NYAP2: variants seen among roughly 807,000 people sequenced by gnomAD.
NYAP2 encodes neuronal tyrosine-phosphorylated phosphoinositide-3-kinase adaptor 2, also known as neuronal tyrosine-phosphorylated phosphoinositide-3-kinase adapter 2.
NYAP2 carries 23 observed loss-of-function variants against 50.4 expected under a neutral mutation model. The ratio of observed to expected loss-of-function variants is 0.46; its 90% CI spans 0.33 to 0.65. The LOEUF is 0.65. Among genes scored for constraint, NYAP2 ranks in the 30% least tolerant of loss-of-function variants. NYAP2 has a pLI of 0.02. For synonymous variants in NYAP2, 394 were observed against 365.2 expected (o/e 1.08, Z -0.90); for missense variants, 885 against 861.0 (o/e 1.03, Z -0.35).
chr2:225,470,308 C>T (rs1689992772), intron 3 of NYAP2, among the ~76,000 whole-genome samples: 1 of 152,076 alleles, frequency 6.6e-6, no homozygotes, highest in South Asian at 2.1e-4. Context: ...TCTCTTCATT[C>T]TTTTATTGTA....
At chr2:225,693,371 A>G in the NYAP2 span, among the ~76,000 whole-genome samples, 1 of 151,968 alleles carries the variant, frequency 6.6e-6, no homozygotes, top group Non-Finnish European at 1.5e-5. Flanking sequence ...GAGGAGGAAG[A>G]TGGCAGAGGT....
At chr2:225,468,863 G>T (rs986808387) in intron 3 of NYAP2, among the ~76,000 whole-genome samples, 2 of 152,110 alleles carry the variant, frequency 1.3e-5, no homozygotes, top group Non-Finnish European at 2.9e-5. Context: ...GTAATAGTTT[G>T]GACTATTTAT....
In NYAP2 at chr2:225,649,143, T is replaced by C. The variant is rs190124737; in HGVS notation, c.1829-2289T>C. Among the ~76,000 whole-genome samples the C allele has an allele frequency of 1.4e-3, 218 of 152,308 alleles. 1 individual carries two copies. The highest frequency in any genetic ancestry group is 5.1e-3 in the African/African-American group (212 of 41,568). On this transcript the variant is annotated intron_variant, in intron 6 of 6. Coordinates refer to ENST00000636099, the Ensembl canonical transcript of NYAP2. ...GTAGGGGGTGAGAGCTAGCATTCAC[T>C]AAAAGCACTTGTTATGTGTCTGGTG...
upstream of NYAP2, chr2:225,399,681 C>A (rs1173396105): frequency 6.6e-6 from 1 of 151,962 alleles, no homozygotes; most frequent in Non-Finnish European, 1.5e-5. Flanking sequence ...TCCCCTCTCT[C>A]CCCAAGCAGC....
At chr2:225,645,210 A>T (rs1413560118) in intron 6 of NYAP2, among the ~76,000 whole-genome samples, 1 of 151,178 alleles carries the variant, frequency 6.6e-6, no homozygotes, top group Non-Finnish European at 1.5e-5. Context: ...GTGAGCTGAG[A>T]TCACGTCACT....
intron 5 of NYAP2, among the ~76,000 whole-genome samples, chr2:225,606,236 G>A (rs1354835076): frequency 1.3e-5 from 2 of 152,120 alleles, no homozygotes; most frequent in Non-Finnish European, 1.5e-5. Flanking sequence ...GTACAATGTT[G>A]TGGCTGTGCG....
At chr2:225,526,624 G>A (rs1377651855) in intron 4 of NYAP2, among the ~76,000 whole-genome samples, 1 of 152,134 alleles carries the variant, frequency 6.6e-6, no homozygotes, top group Non-Finnish European at 1.5e-5. Context: ...TTTTTGACAG[G>A]CTTGTCTACA....
intron 4 of NYAP2, among the ~76,000 whole-genome samples, chr2:225,560,867 A>G (rs1574678608): frequency 1.3e-5 from 2 of 151,252 alleles, no homozygotes; most frequent in East Asian, 1.9e-4. Context: ...CCTAGCTTTT[A>G]TAAATAAATT....
intron 6 of NYAP2, among the ~76,000 whole-genome samples, chr2:225,631,839 A>T (rs1021363206): frequency 6.6e-6 from 1 of 152,118 alleles, no homozygotes; most frequent in Non-Finnish European, 1.5e-5. Flanking sequence ...TGTTTTTGAG[A>T]TGGAGTCTCA....
intron 3 of NYAP2, among the ~76,000 whole-genome samples, chr2:225,465,557 A>C (rs1689902784): frequency 6.6e-6 from 1 of 152,154 alleles, no homozygotes; most frequent in Non-Finnish European, 1.5e-5. Flanking sequence ...TCTACTAAAA[A>C]TACAAAAAAG....
At chr2:225,615,173 T>C (rs1692967142) in intron 5 of NYAP2, among the ~76,000 whole-genome samples, 1 of 152,172 alleles carries the variant, frequency 6.6e-6, no homozygotes. Flanking sequence ...CTCATAAACA[T>C]GGCTTAACTA....
At chr2:225,422,870 T>C (rs1013323034) in intron 3 of NYAP2, among the ~76,000 whole-genome samples, 1 of 152,158 alleles carries the variant, frequency 6.6e-6, no homozygotes, top group Non-Finnish European at 1.5e-5. Context: ...TTTTTAATGA[T>C]AGATACTATG....
At chr2:225,608,255 G>T (rs1018249297) in intron 5 of NYAP2, among the ~76,000 whole-genome samples, 2 of 152,108 alleles carry the variant, frequency 1.3e-5, no homozygotes, top group African/African-American at 4.8e-5. Context: ...GTTGAAAAGG[G>T]TATTTTAGAA....
At chr2:225,606,451 T>C (rs1345705219) in intron 5 of NYAP2, among the ~76,000 whole-genome samples, 1 of 152,176 alleles carries the variant, frequency 6.6e-6, no homozygotes, top group Non-Finnish European at 1.5e-5. Context: ...TGCCTAATTG[T>C]AATTTCCTAT....
chr2:225,653,778 G>C (rs1693776704), exon 7 of NYAP2: 1 of 152,392 alleles, frequency 6.6e-6, no homozygotes, highest in Non-Finnish European at 1.5e-5. Context: ...CCAGCACTCT[G>C]GGAGGCAGAG....
chr2:225,577,821 T>TA (rs111806080), intron 4 of NYAP2, among the ~76,000 whole-genome samples: 1 of 94,584 alleles, frequency 1.1e-5, no homozygotes, highest in East Asian at 3.0e-4. Flanking sequence ...TTTTTTTTTT[T>TA]AAAAAAAGAA....
At chr2:225,408,763 T>A in intron 2 of NYAP2, 101 bp from the exon 3 acceptor site, 1 of 623,940 alleles carries the variant, frequency 1.6e-6, no homozygotes, top group East Asian at 2.6e-5. Context: ...CCAATCGGAT[T>A]TGGCCATAAT....
At chr2:225,539,011 A>G (rs1300638435) in intron 4 of NYAP2, among the ~76,000 whole-genome samples, 2 of 151,632 alleles carry the variant, frequency 1.3e-5, no homozygotes, top group East Asian at 3.9e-4. Flanking sequence ...TCACCTCCTG[A>G]CAGGCCCTGG....
chr2:225,650,100 T>A (rs1189919652), intron 6 of NYAP2, among the ~76,000 whole-genome samples: 1 of 152,150 alleles, frequency 6.6e-6, no homozygotes. Context: ...GGTGAGAGTG[T>A]ATGAGTCTGT....
Sources: allele counts gnomAD v4.1 joint callset (sites outside exome capture counted in the v4.1 genomes callset), GRCh38; gene constraint gnomAD v4.1.1; transcripts MANE v1.5; gene names NCBI Gene and HGNC (gene_info 2026-07-23, HGNC 2026-07-21).